The following CLASP1 variants were observed in gnomAD, a reference collection of about 807,000 sequenced individuals.
CLASP1 encodes the protein CLIP-associating protein 1.
In CLASP1, 38 loss-of-function variants were observed where a neutral mutation model predicts 192.3. The observed-to-expected ratio is 0.20, with a 90% CI of 0.15 to 0.26. The LOEUF (loss-of-function observed/expected upper bound fraction) is 0.26. Ranked by LOEUF, CLASP1 falls within the 10% of genes least tolerant of loss-of-function variation. The pLI, the probability that CLASP1 is intolerant of heterozygous loss-of-function variation, is 1.00. For missense variants in CLASP1, 1,433 were observed against 1,932.5 expected (o/e 0.74, Z 4.85); for synonymous variants, 691 against 712.8 (o/e 0.97, Z 0.49).
intron 19 of CLASP1, among the ~76,000 whole-genome samples, chr2:121,431,746 G>GT (rs531841516): frequency 0.044 from 5,993 of 134,908 alleles, 164 homozygotes; most frequent in African/African-American, 0.084. Flanking sequence ...CATTCCCTTG[G>GT]TTTTTTTTTT....
chr2:121,463,119 A>C (rs1446350816), intron 9 of CLASP1, among the ~76,000 whole-genome samples: 1 of 152,186 alleles, frequency 6.6e-6, no homozygotes, highest in African/African-American at 2.4e-5. Flanking sequence ...CTTAAGAATC[A>C]GTTACAAGTT....
intron 37 of CLASP1, among the ~76,000 whole-genome samples, chr2:121,362,475 A>C (rs2066602624): frequency 6.6e-6 from 1 of 152,230 alleles, no homozygotes; most frequent in Admixed American, 6.5e-5. Flanking sequence ...TCCCAATGCC[A>C]GGAACTGCAG....
intron 2 of CLASP1, among the ~76,000 whole-genome samples, chr2:121,531,901 G>A (rs951823110): frequency 6.6e-6 from 1 of 152,090 alleles, no homozygotes; most frequent in Admixed American, 6.6e-5. Flanking sequence ...GAAATAGTGA[G>A]CTTTTTGTGG....
At chr2:121,343,684 T>C (rs2063074215) in intron 39 of CLASP1, among the ~76,000 whole-genome samples, 1 of 152,132 alleles carries the variant, frequency 6.6e-6, no homozygotes, top group African/African-American at 2.4e-5. Context: ...AGGAAATTAT[T>C]GTTTAATGGG....
chr2:121,377,151 G>A (rs1454597676), intron 34 of CLASP1, among the ~76,000 whole-genome samples: 1 of 152,176 alleles, frequency 6.6e-6, no homozygotes, highest in Non-Finnish European at 1.5e-5. Flanking sequence ...CTGCTCTAAA[G>A]TACTGTAGGG....
intron 2 of CLASP1, among the ~76,000 whole-genome samples, chr2:121,583,785 G>T (rs946000027): frequency 4.6e-5 from 7 of 152,136 alleles, no homozygotes; most frequent in Non-Finnish European, 8.8e-5. Context: ...GCAACTTAGT[G>T]TGATAGCATC....
intron 2 of CLASP1, among the ~76,000 whole-genome samples, chr2:121,544,693 C>T (rs1398252313): frequency 6.6e-6 from 1 of 151,932 alleles, no homozygotes; most frequent in Non-Finnish European, 1.5e-5. Flanking sequence ...ACTAAACACA[C>T]ACGTACCACA....
intron 5 of CLASP1, 148 bp downstream of exon 5, chr2:121,527,651 G>T: frequency 1.6e-6 from 1 of 627,160 alleles, no homozygotes; most frequent in Non-Finnish European, 2.8e-6. Context: ...GTTATTCAAG[G>T]TGCTAACACT....
At chr2:121,530,811 A>G in intron 2 of CLASP1, 3 of 628,618 alleles carry the variant, frequency 4.8e-6, no homozygotes, top group Non-Finnish European at 8.8e-6. Context: ...GGCGAGGCTC[A>G]CGAATTAATT....
intron 22 of CLASP1, among the ~76,000 whole-genome samples, chr2:121,419,781 T>C (rs1559117383): frequency 6.6e-6 from 1 of 152,174 alleles, no homozygotes; most frequent in East Asian, 1.9e-4. Context: ...GTAGGTGGAA[T>C]GCCTAATGTA....
intron 2 of CLASP1, among the ~76,000 whole-genome samples, chr2:121,542,106 C>A (rs1218936330): frequency 9.1e-6 from 1 of 110,378 alleles, no homozygotes; most frequent in Admixed American, 9.1e-5. Flanking sequence ...TCAATAAATA[C>A]AGATCTACAC....
intron 9 of CLASP1, among the ~76,000 whole-genome samples, chr2:121,464,364 A>G (rs2088962564): frequency 6.6e-6 from 1 of 152,124 alleles, no homozygotes; most frequent in Admixed American, 6.5e-5. Flanking sequence ...TATACCCAGT[A>G]ATGGGATGGC....
chr2:121,469,193 C>T (rs2090216637), intron 9 of CLASP1, among the ~76,000 whole-genome samples: 1 of 152,134 alleles, frequency 6.6e-6, no homozygotes, highest in African/African-American at 2.4e-5. Context: ...AGGCCTTCCA[C>T]TCCCACAGAG....
At chr2:121,341,906 T>C (rs891982887) in intron 39 of CLASP1, among the ~76,000 whole-genome samples, 7 of 152,162 alleles carry the variant, frequency 4.6e-5, no homozygotes, top group Non-Finnish European at 7.3e-5. Context: ...TAACATATGA[T>C]TGAACATAGA....
chr2:121,592,582 A>G (rs1020043552), intron 2 of CLASP1, among the ~76,000 whole-genome samples: 2 of 152,238 alleles, frequency 1.3e-5, no homozygotes, highest in African/African-American at 4.8e-5. Flanking sequence ...GCCAACTAAT[A>G]AATGAAGAAG....
chr2:121,572,484 C>T (rs1205848794), intron 2 of CLASP1, among the ~76,000 whole-genome samples: 1 of 152,092 alleles, frequency 6.6e-6, no homozygotes, highest in Non-Finnish European at 1.5e-5. Context: ...CAAATAGGCA[C>T]ACATTCTTAA....
chr2:121,488,973 G>A (rs1401998077), intron 8 of CLASP1, among the ~76,000 whole-genome samples: 1 of 152,110 alleles, frequency 6.6e-6, no homozygotes, highest in Non-Finnish European at 1.5e-5. Context: ...GATTCAGGAG[G>A]CTATCTCCAT....
intron 1 of CLASP1, among the ~76,000 whole-genome samples, chr2:121,630,206 C>T (rs1203482079): frequency 1.3e-5 from 2 of 152,090 alleles, no homozygotes; most frequent in Non-Finnish European, 2.9e-5. Flanking sequence ...AGGCGTGAGC[C>T]ACCACGCCCA....
At chr2:121,496,954 A>G (rs976119688) in intron 8 of CLASP1, among the ~76,000 whole-genome samples, 1 of 152,228 alleles carries the variant, frequency 6.6e-6, no homozygotes, top group Non-Finnish European at 1.5e-5. Context: ...CCATCATATT[A>G]TATAAAATAA....
Sources: allele counts gnomAD v4.1 joint callset (sites outside exome capture counted in the v4.1 genomes callset), GRCh38; gene constraint gnomAD v4.1.1; transcripts MANE v1.5; gene names NCBI Gene and HGNC (gene_info 2026-07-23, HGNC 2026-07-21).